DCTN4: variants seen among roughly 807,000 people sequenced by gnomAD.
DCTN4 encodes dynactin 4 (p62).
Under a neutral mutation model 62.7 loss-of-function variants are expected in DCTN4, and 23 were observed. That is an observed-to-expected ratio of 0.37 (90% CI 0.26 to 0.52). The LOEUF is 0.52. DCTN4 is among the 20% of genes least tolerant of loss of function. DCTN4 has a pLI of 0.92. For synonymous variants in DCTN4, 199 were observed against 202.1 expected (o/e 0.98, Z 0.13); for missense variants, 514 against 580.4 (o/e 0.89, Z 1.18).
intron 12 of DCTN4, among the ~76,000 whole-genome samples, chr5:150,712,170 C>T (rs1297797794): frequency 2.0e-5 from 3 of 152,206 alleles, no homozygotes; most frequent in African/African-American, 7.2e-5. Context: ...CGCTCTGTCA[C>T]CCAGGCTGGA....
At chr5:150,733,503 CAA>C in intron 4 of DCTN4, 28 bp from the exon 5 acceptor site, 1 of 1,541,940 alleles carries the variant, frequency 6.5e-7, no homozygotes, top group Non-Finnish European at 8.9e-7. Context: ...ACTCAGTACA[CAA>C]AAAAGCTAAC....
intron 9 of DCTN4, among the ~76,000 whole-genome samples, chr5:150,719,997 G>GC (rs1370674922): frequency 6.6e-6 from 1 of 152,012 alleles, no homozygotes; most frequent in African/African-American, 2.4e-5. Context: ...AGTTGAAACT[G>GC]CCCAGGCCCC....
In DCTN4 at chr5:150,710,578, A is replaced by G. The variant is rs1759523301; in HGVS notation, c.*571T>C. 1 of 154,080 alleles carries G rather than the reference A, an allele frequency of 6.5e-6. No homozygotes were observed. The highest frequency in any genetic ancestry group is 6.4e-5 in the Admixed American group (1 of 15,644). The allele number at this position is 154,080 out of a possible 1,614,324, so 9.5% of individuals were successfully genotyped here. ...AACTTCACAGGTTTTTCCAATCATC[A>G]TGATACTAAAGATAAAGTGACAATT... On this transcript the variant is annotated 3_prime_UTR_variant, in exon 13 of 13. Coordinates refer to ENST00000447998, the MANE Select transcript of DCTN4 (RefSeq NM_016221.4).
rs148694820 is a variant in DCTN4, at chr5:150,756,443, C to T, written c.180G>A (p.Ser60=). 7.4e-5 allele frequency: 118 copies of T among 1,601,736 alleles called. No homozygotes were observed. The highest frequency in any genetic ancestry group is 3.4e-5 in the South Asian group (3 of 88,188). ...YCPSCLENMP[S]AEAKLKKNRC... ...TATTCTTTTTTAGTTTGGCTTCAGC[C>T]GATGGCATATTTTCTAAACAACTGG... is the stretch of plus-strand genomic sequence containing the variant. The change falls in exon 2 of 13, where the codon TCG becomes TCA. Residue 60 remains serine (S), a synonymous_variant. Transcript: ENST00000447998.
intron 2 of DCTN4, among the ~76,000 whole-genome samples, chr5:150,754,564 T>C (rs1037995693): frequency 2.0e-5 from 3 of 152,108 alleles, no homozygotes; most frequent in Non-Finnish European, 2.9e-5. Flanking sequence ...CTAAACACCA[T>C]CCAGTAGCAA....
Position 150,758,152 on chromosome 5 carries a change from T to C in DCTN4, c.135+707A>G, listed in dbSNP as rs116460645. ...TAAAGCTTACTGAATAAACAAGATG[T>C]GCCAAGCGCTGCAGAAGTTTTGGGG... On this transcript the variant is annotated intron_variant, in intron 1 of 12. Transcript: ENST00000447998. 4,582 of 985,564 alleles carry C rather than the reference T, an allele frequency of 4.6e-3. 164 individuals carry two copies. The African/African-American group carries it at 0.072, about 15-fold the overall frequency. The allele number at this position is 985,564 out of a possible 1,614,324, so 61.1% of individuals were successfully genotyped here.
chr5:150,758,440 C>G (rs986140100), intron 1 of DCTN4: 1 of 991,606 alleles, frequency 1.0e-6, no homozygotes, highest in Non-Finnish European at 1.2e-6. Context: ...AAAAGAGGAA[C>G]AGAACTTTCA....
Position 150,731,503 on chromosome 5 carries a change from A to G in DCTN4, c.538-14T>C. On this transcript the variant is annotated splice_polypyrimidine_tract_variant and intron_variant, in intron 5 of 12. Transcript: ENST00000447998. ...ACCATATTTGTCCTAAACAAAGTTC[A>G]GAAATTCCTATTAGAAAGTCCACTT... The G allele has an allele frequency of 6.2e-7, 1 of 1,609,160 alleles. No individual in the cohort carries two copies. The highest frequency in any genetic ancestry group is 8.5e-7 in the Non-Finnish European group (1 of 1,177,860).
In DCTN4 at chr5:150,753,472, C is replaced by G. The variant is rs758647728; in HGVS notation, c.385+7G>C. ...CAAAATTTCATATTGAAGTCCATCT[C>G]ACTCACCTACAGATTTGTCTGCCAT... On this transcript the variant is annotated splice_region_variant and intron_variant, in intron 3 of 12. Coordinates refer to ENST00000447998, the MANE Select transcript of DCTN4 (RefSeq NM_016221.4). The G allele has an allele frequency of 3.7e-6, 6 of 1,611,344 alleles. No homozygotes were observed. The highest frequency in any genetic ancestry group is 1.3e-5 in the African/African-American group (1 of 74,986).
chr5:150,724,992 C>T (rs1760088591), intron 8 of DCTN4, among the ~76,000 whole-genome samples: 1 of 151,932 alleles, frequency 6.6e-6, no homozygotes. Flanking sequence ...CCCATCTCTA[C>T]TAAAAGTACA....
In DCTN4 at chr5:150,729,025, G is replaced by A. The variant is rs13361877; in HGVS notation, c.834+1606C>T. ...CCTGACTTGCTGGGACTACAAGTGT[G>A]TGAACCACCACACTGGCTTTTTTTT... On this transcript the variant is annotated intron_variant, in intron 8 of 12. Transcript: ENST00000447998. Among the ~76,000 whole-genome samples the A allele has an allele frequency of 2.4e-3, 285 of 119,330 alleles. 2 individuals carry two copies. The highest frequency in any genetic ancestry group is 9.2e-3 in the African/African-American group (270 of 29,476). 78.3% of individuals were successfully genotyped at this position (119,330 alleles called of 152,430 possible). A position where few individuals can be genotyped will look rare whatever the true frequency, so the allele number is the denominator to read the frequency against.
intron 8 of DCTN4, among the ~76,000 whole-genome samples, chr5:150,729,510 C>G (rs1760279550): frequency 6.6e-6 from 1 of 151,828 alleles, no homozygotes; most frequent in South Asian, 2.1e-4. Flanking sequence ...GAGACCAAGT[C>G]ATTTCCTCCA....
chr5:150,722,886 C>T, intron 9 of DCTN4, 21 bp downstream of exon 9: 1 of 1,596,898 alleles, frequency 6.3e-7, no homozygotes, highest in Non-Finnish European at 8.6e-7. Context: ...TAACTGAAAA[C>T]ACCAATCCCA....
At chr5:150,756,886 G>A (rs6871910) in intron 1 of DCTN4, among the ~76,000 whole-genome samples, 23,597 of 152,018 alleles carry the variant, frequency 0.16, 3,368 homozygotes, top group African/African-American at 0.38. Context: ...CATACTTTTA[G>A]GTTTTGAAGG....
chr5:150,750,989 T>C (rs988397807), intron 3 of DCTN4, among the ~76,000 whole-genome samples: 1 of 152,214 alleles, frequency 6.6e-6, no homozygotes, highest in Non-Finnish European at 1.5e-5. Context: ...AACACTTTAG[T>C]ATAATATTAT....
intron 4 of DCTN4, among the ~76,000 whole-genome samples, chr5:150,737,656 C>A (rs557720288): frequency 6.6e-6 from 1 of 152,088 alleles, no homozygotes; most frequent in South Asian, 2.1e-4. Flanking sequence ...TAAATACCTA[C>A]ATCAAAAAGT....
At chr5:150,733,656 G>T in intron 4 of DCTN4, 181 bp from the exon 5 acceptor site, 1 of 467,900 alleles carries the variant, frequency 2.1e-6, no homozygotes, top group South Asian at 3.4e-5. Context: ...GAAGTGAAAT[G>T]GAAAACTGAA....
At chr5:150,758,827 C>G in intron 1 of DCTN4, 32 bp downstream of exon 1, 1 of 1,608,744 alleles carries the variant, frequency 6.2e-7, no homozygotes, top group Non-Finnish European at 8.5e-7. Flanking sequence ...CCCCCCCCAC[C>G]CCACATACTC....
intron 3 of DCTN4, among the ~76,000 whole-genome samples, chr5:150,748,800 G>T (rs10067648): frequency 0.15 from 15,785 of 104,722 alleles, 1,958 homozygotes; most frequent in African/African-American, 0.36. Context: ...GGTGGGGGGA[G>T]GGGGGAGGGA....
Sources: allele counts gnomAD v4.1 joint callset (sites outside exome capture counted in the v4.1 genomes callset), GRCh38; gene constraint gnomAD v4.1.1; transcripts MANE v1.5; gene names NCBI Gene and HGNC (gene_info 2026-07-23, HGNC 2026-07-21).